SYNE2: variants seen among roughly 807,000 people sequenced by gnomAD.
SYNE2 encodes spectrin repeat containing nuclear envelope protein 2.
SYNE2 carries 431 observed loss-of-function variants against 856.3 expected under a neutral mutation model. The observed-to-expected ratio is 0.50, with a 90% CI of 0.47 to 0.55. The LOEUF is 0.55. Among genes scored for constraint, SYNE2 ranks in the 20% least tolerant of loss-of-function variants. The pLI, the probability that SYNE2 is intolerant of heterozygous loss-of-function variation, is 0.00. For missense variants in SYNE2, 8,129 were observed against 8,023.2 expected (o/e 1.01, Z -0.50); for synonymous variants, 2,923 against 2,872.3 (o/e 1.02, Z -0.56).
rs1341598769 is a variant in SYNE2, at chr14:63,827,637, A to AAAAC, written c.-304-24861_-304-24860insCAAA. Among the ~76,000 whole-genome samples the AAAAC allele has an allele frequency of 5.3e-3, 697 of 131,448 alleles. 41 individuals are homozygous for AAAAC. The highest frequency in any genetic ancestry group is 0.043 in the East Asian group (184 of 4,302). The allele number at this position is 131,448 out of a possible 152,430, so 86.2% of individuals were successfully genotyped here. A position where few individuals can be genotyped will look rare whatever the true frequency, so the allele number is the denominator to read the frequency against. ...TGAAACTCTGTCTCAAAAAAAAAAA[A>AAAAC]AAAAAAAAAAAAAAAAAAAGAAAGA... On this transcript the variant is annotated intron_variant, in intron 1 of 23. Transcript: ENST00000674003.
Position 64,056,176 on chromosome 14 carries a change from AACT to A in SYNE2, c.9980_9982del (p.Leu3327del). ...GGAATGATATCCAGCCCCGAAGCCA[AACT>A]ACAACTTCAGTATACTTTACAGGAA... On this transcript the variant is annotated inframe_deletion, in exon 49 of 116. Coordinates refer to ENST00000555002, the MANE Select transcript of SYNE2 (RefSeq NM_182914.3). 6.2e-7 allele frequency: 1 copy of A among 1,614,186 alleles called. No individual in the cohort carries two copies. The highest frequency in any genetic ancestry group is 8.5e-7 in the Non-Finnish European group (1 of 1,180,034).
chr14:64,132,137 G>A (rs1018615265), intron 76 of SYNE2, 128 bp from the exon 77 acceptor site: 17 of 1,093,476 alleles, frequency 1.6e-5, no homozygotes, highest in Non-Finnish European at 2.2e-5. Flanking sequence ...TGGTCAATTT[G>A]ACTCTACACG....
intron 100 of SYNE2, chr14:64,208,189 C>A (rs1266333035): frequency 1.3e-5 from 6 of 455,614 alleles, no homozygotes; most frequent in Non-Finnish European, 2.6e-5. Flanking sequence ...GTTGGGGAGG[C>A]AAGGTCTGTC....
Position 64,113,572 on chromosome 14 carries a change from G to A in SYNE2, c.12840+1G>A, listed in dbSNP as rs2097829846. The A allele has an allele frequency of 6.2e-7, 1 of 1,601,340 alleles. No individual in the cohort carries two copies. Among genetic ancestry groups the A allele is most frequent in the Non-Finnish European group, 8.5e-7 (1 of 1,174,018 alleles). Reference sequence around the variant, plus strand: ...GGAACAGCAGCTGGTAGGGTGCCAGGTAAGACTGAGAAGTCAGAGTTCATG... The same window carrying A: ...GGAACAGCAGCTGGTAGGGTGCCAGATAAGACTGAGAAGTCAGAGTTCATG... On this transcript the variant is annotated splice_donor_variant, in intron 66 of 115. Coordinates refer to ENST00000555002, the MANE Select transcript of SYNE2 (RefSeq NM_182914.3). LOFTEE classifies it high-confidence loss of function.
At chr14:64,179,826 G>T (rs1029332980) in intron 96 of SYNE2, among the ~76,000 whole-genome samples, 1 of 151,966 alleles carries the variant, frequency 6.6e-6, no homozygotes, top group African/African-American at 2.4e-5. Flanking sequence ...TCCCATCTGA[G>T]AGCCTGTTTT....
intron 2 of SYNE2, 59 bp downstream of exon 2, chr14:63,909,286 T>C: frequency 8.8e-7 from 1 of 1,142,334 alleles, no homozygotes; most frequent in Non-Finnish European, 1.3e-6. Flanking sequence ...TACTTTTATC[T>C]AGTTGCAAGT....
At chr14:63,980,815 T>G in intron 15 of SYNE2, 83 bp downstream of exon 15, 1 of 1,181,712 alleles carries the variant, frequency 8.5e-7, no homozygotes, top group Non-Finnish European at 1.2e-6. Context: ...ATATAATGTT[T>G]TAGAAATTAG....
Position 64,126,806 on chromosome 14 carries a change from A to G in SYNE2, c.13916A>G (p.Gln4639Arg), listed in dbSNP as rs1456614493. The change falls in exon 73 of 116, where the codon CAG (glutamine) becomes CGG (arginine). Residue 4639 changes from glutamine to arginine, a missense_variant and splice_region_variant. Transcript: ENST00000555002. ...GGCCTCGATTACAACCGCAGTTACC[A>G]GGTATGATTCCGAGCACACAGCCTA... is the stretch of plus-strand genomic sequence containing the variant. Reference protein sequence around the residue: ...KAGLDYNRSYQNEIKRLYHQL... With the variant: ...KAGLDYNRSYRNEIKRLYHQL... 1.2e-6 allele frequency: 2 copies of G among 1,610,562 alleles called. No individual in the cohort carries two copies. The highest frequency in any genetic ancestry group is 1.3e-5 in the African/African-American group (1 of 75,058).
At chr14:64,064,235 C>T (rs760336729) in intron 50 of SYNE2, among the ~76,000 whole-genome samples, 1 of 152,162 alleles carries the variant, frequency 6.6e-6, no homozygotes, top group Non-Finnish European at 1.5e-5. Flanking sequence ...GATACCACAA[C>T]AGTTGATCTG....
intron 57 of SYNE2, among the ~76,000 whole-genome samples, chr14:64,085,828 T>A (rs971911683): frequency 2.0e-5 from 3 of 152,236 alleles, no homozygotes; most frequent in African/African-American, 7.2e-5. Flanking sequence ...AAGTATCTGT[T>A]CAATTTTTTT....
At chr14:64,216,545 A>G in intron 108 of SYNE2, 158 bp downstream of exon 108, 1 of 851,710 alleles carries the variant, frequency 1.2e-6, no homozygotes, top group Admixed American at 1.9e-5. Flanking sequence ...AGCTGTCCAT[A>G]CTTCATTAGA....
At chr14:63,834,647 T>C (rs1217543097) in intron 1 of SYNE2, among the ~76,000 whole-genome samples, 3 of 148,400 alleles carry the variant, frequency 2.0e-5, no homozygotes, top group African/African-American at 4.9e-5. Flanking sequence ...TTCTTTCTTT[T>C]TTTTTTTTTT....
chr14:64,225,895 T>C lies in SYNE2; in HGVS notation c.*369T>C. The C allele has an allele frequency of 4.1e-6, 2 of 484,482 alleles. No individual in the cohort carries two copies. Among genetic ancestry groups the C allele is most frequent in the Non-Finnish European group, 7.4e-6 (2 of 271,238 alleles). 30.0% of individuals were successfully genotyped at this position (484,482 alleles called of 1,614,324 possible). A position where few individuals can be genotyped will look rare whatever the true frequency, so the allele number is the denominator to read the frequency against. On this transcript the variant is annotated 3_prime_UTR_variant, in exon 116 of 116. Coordinates refer to ENST00000555002, the MANE Select transcript of SYNE2 (RefSeq NM_182914.3). ...TGAGCAGTGGTGTCCATCACATATA[T>C]TATAGAAGCAAGCGAGGACATTCCA...
intron 66 of SYNE2, among the ~76,000 whole-genome samples, chr14:64,117,411 T>C (rs1391031077): frequency 6.6e-6 from 1 of 152,162 alleles, no homozygotes; most frequent in Admixed American, 6.5e-5. Context: ...GCAATCCTCC[T>C]GCCCCAGTCT....
At chr14:63,932,098 C>T (rs2095764005) in intron 2 of SYNE2, among the ~76,000 whole-genome samples, 1 of 152,150 alleles carries the variant, frequency 6.6e-6, no homozygotes, top group Admixed American at 6.5e-5. Flanking sequence ...ATTTTGGGGC[C>T]AGTTGCAGTG....
intron 1 of SYNE2, chr14:63,864,260 A>G (rs1894602275): frequency 6.6e-6 from 1 of 152,248 alleles, no homozygotes; most frequent in Admixed American, 6.5e-5. Context: ...TTAAAAGAAA[A>G]TAAGTTACCT....
intron 1 of SYNE2, among the ~76,000 whole-genome samples, chr14:63,829,707 C>T (rs936453705): frequency 6.6e-6 from 1 of 152,120 alleles, no homozygotes; most frequent in African/African-American, 2.4e-5. Context: ...CCTCAACCCT[C>T]CTGGGATGAA....
Position 64,031,377 on chromosome 14 carries a change from C to T in SYNE2, c.7221+20C>T. 1.2e-6 allele frequency: 2 copies of T among 1,604,138 alleles called. No homozygotes were observed. Among genetic ancestry groups the T allele is most frequent in the Non-Finnish European group, 1.7e-6 (2 of 1,171,290 alleles). ...AACAAGGTAAGTGCTTGTGATTGCA[C>T]TTTCAAGACAGTGAGTCTGAGAATG... On this transcript the variant is annotated intron_variant, in intron 45 of 115. Transcript: ENST00000555002.
chr14:63,906,091 G>A (rs1191710010), intron 1 of SYNE2, among the ~76,000 whole-genome samples: 1 of 152,118 alleles, frequency 6.6e-6, no homozygotes, highest in Non-Finnish European at 1.5e-5. Flanking sequence ...TTCTGTTTAT[G>A]TGGTGAATCA....
Sources: allele counts gnomAD v4.1 joint callset (sites outside exome capture counted in the v4.1 genomes callset), GRCh38; gene constraint gnomAD v4.1.1; transcripts MANE v1.5; gene names NCBI Gene and HGNC (gene_info 2026-07-23, HGNC 2026-07-21).